The following RAD51B variants were observed in gnomAD, a reference collection of about 807,000 sequenced individuals.
The protein encoded by RAD51B is RAD51 paralog B.
A neutral mutation model predicts 42.2 loss-of-function variants in RAD51B; 38 were observed. The observed-to-expected ratio is 0.90, with a 90% CI of 0.70 to 1.18. The LOEUF is 1.18. RAD51B is among the 50% of genes most tolerant of loss of function. The pLI is 0.00. For missense variants in RAD51B, 373 were observed against 400.7 expected (o/e 0.93, Z 0.59); for synonymous variants, 154 against 145.2 (o/e 1.06, Z -0.43).
Position 68,478,072 on chromosome 14 carries a change from G to C in RAD51B, c.*408G>C. The stretch of plus-strand genomic sequence containing the variant: ...TGTAATTACAGGAGGGAACATTTCC[G>C]AATAAAGTATTGTCTACCAGATAAA... On this transcript the variant is annotated 3_prime_UTR_variant, in exon 11 of 11. Coordinates refer to ENST00000471583, the MANE Select transcript of RAD51B (RefSeq NM_133510.4). The C allele has an allele frequency of 9.4e-7, 1 of 1,060,476 alleles. No individual in the cohort carries two copies. Among genetic ancestry groups the C allele is most frequent in the Non-Finnish European group, 1.1e-6 (1 of 876,700 alleles). The allele number at this position is 1,060,476 out of a possible 1,614,324, so 65.7% of individuals were successfully genotyped here.
chr14:67,950,502 G>A (rs574164992), intron 7 of RAD51B, among the ~76,000 whole-genome samples: 2 of 152,324 alleles, frequency 1.3e-5, no homozygotes, highest in Non-Finnish European at 2.9e-5. Context: ...TTAAGGTAAT[G>A]TTGTGGCTGG....
intron 10 of RAD51B, among the ~76,000 whole-genome samples, chr14:68,570,594 A>G (rs1889644824): frequency 6.6e-6 from 1 of 152,206 alleles, no homozygotes; most frequent in African/African-American, 2.4e-5. Context: ...TGGGGTCTGC[A>G]GCTGAGCCAG....
intron 7 of RAD51B, among the ~76,000 whole-genome samples, chr14:68,072,542 G>A (rs1305331072): frequency 6.6e-6 from 1 of 152,028 alleles, no homozygotes; most frequent in East Asian, 1.9e-4. Flanking sequence ...GATTAAGAGT[G>A]GGTCTGCCTT....
At chr14:68,052,310 T>C (rs1419759962) in intron 7 of RAD51B, among the ~76,000 whole-genome samples, 1 of 152,168 alleles carries the variant, frequency 6.6e-6, no homozygotes, top group Non-Finnish European at 1.5e-5. Context: ...ATAACTAACA[T>C]TTAATATATA....
In RAD51B at chr14:68,339,489, G is replaced by A. The variant is rs149959380; in HGVS notation, c.853+47509G>A. 2.2e-3 allele frequency: 972 copies of A among 446,176 alleles called. 10 individuals carry two copies. Among genetic ancestry groups the A allele is most frequent in the African/African-American group, 0.018 (879 of 49,074 alleles). The allele number at this position is 446,176 out of a possible 1,614,324, so 27.6% of individuals were successfully genotyped here. On this transcript the variant is annotated intron_variant, in intron 8 of 10. Coordinates refer to ENST00000471583, the MANE Select transcript of RAD51B (RefSeq NM_133510.4). ...CTGCTTCTTTATGACAGCAGGAGCT[G>A]GAGCCATTTTTTCTCCTTGGCTTTC...
chr14:68,446,792 C>T (rs1326921473), intron 9 of RAD51B, among the ~76,000 whole-genome samples: 2 of 152,204 alleles, frequency 1.3e-5, no homozygotes, highest in Non-Finnish European at 2.9e-5. Context: ...AGGCCATCAT[C>T]TGAGGCCCTG....
intron 8 of RAD51B, among the ~76,000 whole-genome samples, chr14:68,304,212 G>A (rs116736395): frequency 3.3e-5 from 5 of 150,410 alleles, no homozygotes; most frequent in African/African-American, 1.2e-4. Context: ...CAAGTGTTAT[G>A]TTCCTTTTGC....
chr14:68,526,515 C>T (rs980517293), intron 10 of RAD51B, among the ~76,000 whole-genome samples: 32 of 152,250 alleles, frequency 2.1e-4, no homozygotes, highest in African/African-American at 7.0e-4. Context: ...TGGACACCCT[C>T]TTTTAAAATA....
intron 8 of RAD51B, among the ~76,000 whole-genome samples, chr14:68,304,876 A>G (rs1295618253): frequency 6.6e-6 from 1 of 152,192 alleles, no homozygotes; most frequent in African/African-American, 2.4e-5. Context: ...CTCTTGAAGA[A>G]GGCTGGACCA....
intron 7 of RAD51B, among the ~76,000 whole-genome samples, chr14:67,957,497 G>A (rs2140221378): frequency 6.6e-6 from 1 of 152,220 alleles, no homozygotes; most frequent in Middle Eastern, 3.4e-3. Context: ...GTCAAAGGAA[G>A]GCAAGAGAAA....
At chr14:67,941,549 A>T (rs958162541) in intron 7 of RAD51B, among the ~76,000 whole-genome samples, 5 of 152,174 alleles carry the variant, frequency 3.3e-5, no homozygotes, top group African/African-American at 9.7e-5. Flanking sequence ...GACCTGTGAG[A>T]CTGTCCCTAT....
chr14:68,680,743 G>A (rs968595816), intron 11 of RAD51B, among the ~76,000 whole-genome samples: 25 of 152,110 alleles, frequency 1.6e-4, no homozygotes, highest in Non-Finnish European at 2.6e-4. Context: ...CAGTCCAGTG[G>A]AGTGACTTAA....
chr14:67,887,850 AC>A (rs1247059969), intron 7 of RAD51B, among the ~76,000 whole-genome samples: 6 of 152,296 alleles, frequency 3.9e-5, no homozygotes, highest in Non-Finnish European at 5.9e-5. Flanking sequence ...GTGATGTGTA[AC>A]CTGCAAGACG....
At chr14:67,998,034 C>T (rs768493663) in intron 7 of RAD51B, among the ~76,000 whole-genome samples, 1 of 152,098 alleles carries the variant, frequency 6.6e-6, no homozygotes, top group Non-Finnish European at 1.5e-5. Flanking sequence ...AGAGTTTGTC[C>T]AGAGTTGTTT....
chr14:68,162,613 G>A (rs1254353807), intron 7 of RAD51B, among the ~76,000 whole-genome samples: 1 of 152,174 alleles, frequency 6.6e-6, no homozygotes. Flanking sequence ...GTGAAACCCC[G>A]TCTTGACTAA....
intron 7 of RAD51B, chr14:68,130,014 T>A (rs2077853384): frequency 6.6e-6 from 1 of 152,208 alleles, no homozygotes; most frequent in Non-Finnish European, 1.5e-5. Context: ...TATGGCTGAG[T>A]TTTCTATTCA....
At chr14:68,268,768 A>T (rs965862883) in intron 7 of RAD51B, among the ~76,000 whole-genome samples, 1 of 152,200 alleles carries the variant, frequency 6.6e-6, no homozygotes, top group Non-Finnish European at 1.5e-5. Context: ...CACAGCATTC[A>T]CTTTTTCATC....
intron 9 of RAD51B, among the ~76,000 whole-genome samples, chr14:68,446,711 A>C (rs1419716793): frequency 6.6e-6 from 1 of 152,168 alleles, no homozygotes; most frequent in African/African-American, 2.4e-5. Context: ...CAACGTAGAG[A>C]AAAACAAGAG....
chr14:68,081,017 T>C (rs115494313), intron 7 of RAD51B, among the ~76,000 whole-genome samples: 2,024 of 152,258 alleles, frequency 0.013, 19 homozygotes, highest in Middle Eastern at 0.02. Context: ...GGGAGTCCAG[T>C]GAGAGCAAGC....
Sources: gnomAD v4.1 joint callset for allele counts (sites outside exome capture counted in the v4.1 genomes callset) on GRCh38, gnomAD v4.1.1 for gene constraint, MANE v1.5 for transcripts, NCBI Gene and HGNC (gene_info 2026-07-23, HGNC 2026-07-21) for gene names.